Variants in STOX2 observed in about 807,000 individuals in gnomAD.
STOX2 encodes the protein storkhead box 2.
Under a neutral mutation model 60.9 loss-of-function variants are expected in STOX2, and 28 were observed. The ratio of observed to expected loss-of-function variants is 0.46; its 90% CI spans 0.34 to 0.63. STOX2 has a LOEUF of 0.63. STOX2 is among the 30% of genes least tolerant of loss of function. The pLI, the probability that STOX2 is intolerant of heterozygous loss-of-function variation, is 0.01. For synonymous variants in STOX2, 472 were observed against 463.9 expected (o/e 1.02, Z -0.22); for missense variants, 1,024 against 1,187.7 (o/e 0.86, Z 2.03).
At chr4:183,857,548 T>C (rs1740330436) in intron 1 of STOX2, among the ~76,000 whole-genome samples, 1 of 152,180 alleles carries the variant, frequency 6.6e-6, no homozygotes, top group African/African-American at 2.4e-5. Flanking sequence ...CGATTCAGCT[T>C]CTTAATCTAC....
chr4:183,851,026 CGAT>C (rs1294876526), intron 1 of STOX2, among the ~76,000 whole-genome samples: 3 of 50,190 alleles, frequency 6.0e-5, no homozygotes, highest in African/African-American at 2.5e-4. Context: ...ATGAGAGAAA[CGAT>C]GAGGGAAAGG....
chr4:183,918,967 T>C (rs1742012705), intron 1 of STOX2, among the ~76,000 whole-genome samples: 1 of 152,190 alleles, frequency 6.6e-6, no homozygotes, highest in Admixed American at 6.5e-5. Context: ...CCATGTTACT[T>C]ATTCATTTGC....
intron 1 of STOX2, among the ~76,000 whole-genome samples, chr4:183,872,245 G>A (rs6810715): frequency 0.23 from 35,536 of 151,982 alleles, 4,826 homozygotes; most frequent in Non-Finnish European, 0.29. Flanking sequence ...TAGTAGAGAC[G>A]GGGTTTCACC....
intron 1 of STOX2, among the ~76,000 whole-genome samples, chr4:183,799,704 C>G (rs535277173): frequency 6.6e-6 from 1 of 151,652 alleles, no homozygotes; most frequent in South Asian, 2.1e-4. Flanking sequence ...AACTTGATTT[C>G]ATTTGTAAAT....
In STOX2 at chr4:184,010,761, G is replaced by A. The variant is rs1442647698; in HGVS notation, c.1923G>A (p.Arg641=). ...EGVKKLSPSD[R]QVPHSSREPV... ...TGAAAAAGCTCTCCCCTTCTGATAG[G>A]CAGGTCCCCCACTCCTCCAGGGAGC... The change falls in exon 3 of 4, where the codon AGG becomes AGA. Residue 641 remains arginine (R), a synonymous_variant. Coordinates refer to ENST00000308497, the MANE Select transcript of STOX2 (RefSeq NM_020225.3). The surrounding 1 kb of genome is among the most constrained non-coding windows in gnomAD (Gnocchi z 4.5). 3.2e-6 allele frequency: 5 copies of A among 1,583,584 alleles called. No homozygotes were observed. Among genetic ancestry groups the A allele is most frequent in the South Asian group, 1.2e-5 (1 of 84,634 alleles).
At chr4:183,822,622 G>A (rs953684972) in intron 1 of STOX2, among the ~76,000 whole-genome samples, 5 of 152,138 alleles carry the variant, frequency 3.3e-5, no homozygotes, top group African/African-American at 7.2e-5. Flanking sequence ...TAACGCTGCC[G>A]CGGATCTGAC....
At chr4:183,840,292 A>G (rs1388558684) in intron 1 of STOX2, among the ~76,000 whole-genome samples, 3 of 152,092 alleles carry the variant, frequency 2.0e-5, no homozygotes, top group Non-Finnish European at 2.9e-5. Flanking sequence ...ATGATTCTTA[A>G]CCCATTTGTA....
intron 1 of STOX2, among the ~76,000 whole-genome samples, chr4:183,852,553 G>GGATGAGAGAAAA (rs2111144261): frequency 6.7e-6 from 1 of 149,322 alleles, no homozygotes; most frequent in East Asian, 2.0e-4. Flanking sequence ...ATGAGGGAAA[G>GGATGAGAGAAAA]GATGAGAGAA....
chr4:184,012,701 A>T (rs970893312), intron 3 of STOX2, among the ~76,000 whole-genome samples: 3 of 152,198 alleles, frequency 2.0e-5, no homozygotes, highest in African/African-American at 7.2e-5. Flanking sequence ...CCGTGGTGAC[A>T]GTGGAGACTA....
At chr4:183,983,449 C>T (rs10019301) in intron 1 of STOX2, among the ~76,000 whole-genome samples, 55,461 of 152,004 alleles carry the variant, frequency 0.36, 10,896 homozygotes, top group African/African-American at 0.51. Context: ...TGTTTTGAGT[C>T]GAAAGGAGGT....
At chr4:183,920,597 G>A (rs915982045) in intron 1 of STOX2, among the ~76,000 whole-genome samples, 7 of 152,110 alleles carry the variant, frequency 4.6e-5, no homozygotes, top group Non-Finnish European at 8.8e-5. Flanking sequence ...TCTCTTCTTA[G>A]CCAGCTGAGG....
intron 1 of STOX2, among the ~76,000 whole-genome samples, chr4:183,823,982 C>T (rs992078866): frequency 6.6e-6 from 1 of 151,872 alleles, no homozygotes; most frequent in Non-Finnish European, 1.5e-5. Flanking sequence ...CCCAGATACG[C>T]AGACATGTGT....
At chr4:183,954,531 A>T (rs924263493) in intron 1 of STOX2, among the ~76,000 whole-genome samples, 16 of 151,272 alleles carry the variant, frequency 1.1e-4, no homozygotes, top group Admixed American at 9.2e-4. Context: ...CTAGTGATCC[A>T]CCCTCCTCGG....
At chr4:183,899,523 G>A (rs544084772) in intron 1 of STOX2, among the ~76,000 whole-genome samples, 1 of 152,196 alleles carries the variant, frequency 6.6e-6, no homozygotes, top group Non-Finnish European at 1.5e-5. Context: ...GAGAAAATTT[G>A]AGTGGTCTGG....
chr4:183,842,741 A>G (rs1267713829), intron 1 of STOX2, among the ~76,000 whole-genome samples: 1 of 152,172 alleles, frequency 6.6e-6, no homozygotes, highest in Non-Finnish European at 1.5e-5. Context: ...TTTTAGGTTC[A>G]TAATGGTTCC....
chr4:183,945,337 G>A (rs752407684), intron 1 of STOX2, among the ~76,000 whole-genome samples: 8 of 152,116 alleles, frequency 5.3e-5, no homozygotes, highest in Admixed American at 6.6e-5. Flanking sequence ...GGTACACAGC[G>A]GAGAGAGAGA....
intron 1 of STOX2, among the ~76,000 whole-genome samples, chr4:183,864,521 G>C (rs1740521406): frequency 1.3e-5 from 2 of 152,090 alleles, no homozygotes; most frequent in South Asian, 4.2e-4. Context: ...AGCCTCCCGA[G>C]TAGCTGGGAT....
At position 183,851,432 on chromosome 4, in the gene STOX2, A is replaced by G. The variant is rs180775571; in HGVS notation, c.364+53377A>G. Among the ~76,000 whole-genome samples the G allele has an allele frequency of 7.6e-4, 46 of 60,368 alleles. 1 individual carries two copies. The highest frequency in any genetic ancestry group is 2.9e-3 in the African/African-American group (37 of 12,624). The allele number at this position is 60,368 out of a possible 152,430, so 39.6% of individuals were successfully genotyped here. ...GAGAAAGGATGAGGGAAAGGATGAG[A>G]GAAAGGATGAGGGAAAGGATGAGAG... On this transcript the variant is annotated intron_variant, in intron 1 of 2. Transcript: ENST00000513034.
chr4:183,994,981 A>G (rs79225980), intron 1 of STOX2, among the ~76,000 whole-genome samples: 4,492 of 152,308 alleles, frequency 0.029, 74 homozygotes, highest in Admixed American at 0.064. Context: ...GGAGGCTGGT[A>G]CTTTCCAGGC....
Sources: allele counts gnomAD v4.1 joint callset (sites outside exome capture counted in the v4.1 genomes callset), GRCh38; gene constraint gnomAD v4.1.1; non-coding constraint Gnocchi (gnomAD v3.1); transcripts MANE v1.5; gene names NCBI Gene and HGNC (gene_info 2026-07-23, HGNC 2026-07-21).